The following SEPTIN11 variants were observed in gnomAD, a reference collection of about 807,000 sequenced individuals.
SEPTIN11 encodes septin 11.
A neutral mutation model predicts 51.4 loss-of-function variants in SEPTIN11; 25 were observed. The observed-to-expected ratio is 0.49, with a 90% CI of 0.35 to 0.68. The LOEUF (loss-of-function observed/expected upper bound fraction) is 0.68, where lower values mean the gene tolerates loss of function less well. Among genes scored for constraint, SEPTIN11 ranks in the 30% least tolerant of loss-of-function variants. The probability of loss-of-function intolerance (pLI) is 0.00; values close to 1 mark genes in which losing one functional copy is unlikely to be tolerated. For missense variants in SEPTIN11, 381 were observed against 520.8 expected, an observed-to-expected ratio of 0.73 and a Z score of 2.61; for synonymous variants, 174 against 184.1, an observed-to-expected ratio of 0.95 and a Z score of 0.44.
rs548256793 is a variant in SEPTIN11, at chr4:76,980,816, A to G, written c.28-15609A>G. Among the ~76,000 whole-genome samples the G allele has an allele frequency of 4.6e-4, 70 of 152,264 alleles. 1 individual carries two copies. Among genetic ancestry groups the G allele is most frequent in the African/African-American group, 1.7e-3 (69 of 41,548 alleles). On this transcript the variant is annotated intron_variant, in intron 1 of 9. Transcript: ENST00000264893. ...TGGATCAGTGCCTAAGATTTTTGCTAATTCTGGTTTGTCTTTCACCCTGAG... is the reference window on the plus strand; with the variant it reads ...TGGATCAGTGCCTAAGATTTTTGCTGATTCTGGTTTGTCTTTCACCCTGAG...
intron 1 of SEPTIN11, among the ~76,000 whole-genome samples, chr4:76,991,049 C>T (rs1273514661): frequency 6.6e-6 from 1 of 152,190 alleles, no homozygotes; most frequent in Non-Finnish European, 1.5e-5. Flanking sequence ...TTACCTTATT[C>T]ATATGTCCGA....
intron 5 of SEPTIN11, among the ~76,000 whole-genome samples, chr4:77,017,053 A>G (rs1342309730): frequency 6.6e-6 from 1 of 152,152 alleles, no homozygotes; most frequent in Admixed American, 6.5e-5. Context: ...TCAAAATCTC[A>G]AACTGAGATG....
intron 7 of SEPTIN11, among the ~76,000 whole-genome samples, chr4:77,022,545 C>T (rs72665127): frequency 0.25 from 37,960 of 152,088 alleles, 5,337 homozygotes; most frequent in East Asian, 0.39. Flanking sequence ...ATAGACCATA[C>T]TGTAAATGAA....
At chr4:77,030,647 G>A (rs922902453) in intron 8 of SEPTIN11, 136 bp from the exon 9 acceptor site, 12 of 687,604 alleles carry the variant, frequency 1.7e-5, no homozygotes, top group East Asian at 9.0e-5. Flanking sequence ...CACCCACCTC[G>A]GCCTCCCAAA....
intron 1 of SEPTIN11, among the ~76,000 whole-genome samples, chr4:76,954,988 T>A (rs1038346243): frequency 5.3e-5 from 8 of 152,318 alleles, no homozygotes; most frequent in African/African-American, 1.2e-4. Flanking sequence ...TATTTATTTT[T>A]TTTTGCATTT....
chr4:77,034,439 C>T lies in SEPTIN11; in HGVS notation c.1275-58C>T, dbSNP rs929743220. The T allele has an allele frequency of 2.9e-5, 40 of 1,392,084 alleles. 2 individuals are homozygous for T. The South Asian group carries it at 5.7e-4, about 20-fold the overall frequency. 86.2% of individuals were successfully genotyped at this position (1,392,084 alleles called of 1,614,324 possible). A position where few individuals can be genotyped will look rare whatever the true frequency, so the allele number is the denominator to read the frequency against. On this transcript the variant is annotated intron_variant, in intron 9 of 9. Coordinates refer to ENST00000264893, the MANE Select transcript of SEPTIN11 (RefSeq NM_018243.4). ...TGCTGGTGCTGTCGCTCCTAATTTT[C>T]CTTTCTTTTTAATTTATTATTATTT... is the stretch of plus-strand genomic sequence containing the variant.
intron 9 of SEPTIN11, 188 bp downstream of exon 9, chr4:77,031,158 T>C (rs1360897236): frequency 1.7e-6 from 1 of 573,776 alleles, no homozygotes; most frequent in Non-Finnish European, 3.0e-6. Flanking sequence ...CAAAGATTAA[T>C]TTATAAAACT....
At chr4:77,011,378 G>A (rs182483034) in intron 3 of SEPTIN11, among the ~76,000 whole-genome samples, 1 of 152,140 alleles carries the variant, frequency 6.6e-6, no homozygotes, top group Non-Finnish European at 1.5e-5. Flanking sequence ...ATACCCCTTG[G>A]GGGAGTGGCA....
intron 9 of SEPTIN11, among the ~76,000 whole-genome samples, chr4:77,032,954 C>G (rs1012468499): frequency 6.6e-5 from 10 of 152,040 alleles, no homozygotes; most frequent in African/African-American, 2.4e-4. Flanking sequence ...TTCTATGAAG[C>G]CTGTGTGGAT....
chr4:76,959,416 G>C (rs565852063), intron 1 of SEPTIN11, among the ~76,000 whole-genome samples: 1 of 151,578 alleles, frequency 6.6e-6, no homozygotes, highest in Admixed American at 6.6e-5. Flanking sequence ...CACATGGCCA[G>C]ATTAAAAAAG....
intron 1 of SEPTIN11, chr4:76,959,021 T>C: frequency 1.3e-6 from 1 of 755,166 alleles, no homozygotes; most frequent in Non-Finnish European, 2.4e-6. Flanking sequence ...GAATACCATG[T>C]TGGAATACTT....
intron 8 of SEPTIN11, among the ~76,000 whole-genome samples, chr4:77,029,772 A>G (rs895628074): frequency 6.6e-5 from 10 of 151,364 alleles, no homozygotes; most frequent in African/African-American, 2.4e-4. Context: ...ATATATACAC[A>G]CACACACACA....
chr4:76,959,503 A>G (rs1363338900), intron 1 of SEPTIN11, among the ~76,000 whole-genome samples: 1 of 151,982 alleles, frequency 6.6e-6, no homozygotes, highest in Non-Finnish European at 1.5e-5. Context: ...TTGGGATGGA[A>G]CTCATAATCT....
In SEPTIN11 at chr4:77,010,288, C is replaced by T. The variant is rs184188598; in HGVS notation, c.339-1447C>T. Among the ~76,000 whole-genome samples, 1,135 of 152,196 alleles carry T rather than the reference C, an allele frequency of 7.5e-3. 23 individuals carry two copies. Among genetic ancestry groups the T allele is most frequent in the Admixed American group, 0.052 (793 of 15,282 alleles). On this transcript the variant is annotated intron_variant, in intron 3 of 9. Transcript: ENST00000264893. ...TGGTTTTAGGCTTGAATCCATGTTT[C>T]TAACCACCATCCTCTATAACTATCT...
intron 3 of SEPTIN11, among the ~76,000 whole-genome samples, chr4:77,010,760 T>C (rs1724805928): frequency 6.6e-6 from 1 of 152,196 alleles, no homozygotes; most frequent in African/African-American, 2.4e-5. Flanking sequence ...GGAAAGGCAA[T>C]AAAGTTTGGG....
intron 1 of SEPTIN11, chr4:76,973,187 G>T (rs562186763): frequency 1.3e-5 from 2 of 152,324 alleles, no homozygotes; most frequent in East Asian, 3.9e-4. Flanking sequence ...CTCAAAGCCT[G>T]TGTGGGGGGA....
intron 1 of SEPTIN11, among the ~76,000 whole-genome samples, chr4:76,982,572 AT>A (rs1722824032): frequency 1.3e-5 from 2 of 152,138 alleles, no homozygotes; most frequent in Non-Finnish European, 2.9e-5. Context: ...AGAGTTTTAC[AT>A]TTTTGCTCTG....
chr4:76,964,762 A>G (rs1430141112), intron 1 of SEPTIN11, among the ~76,000 whole-genome samples: 1 of 152,254 alleles, frequency 6.6e-6, no homozygotes, highest in Non-Finnish European at 1.5e-5. Flanking sequence ...GGGTTTATGC[A>G]TAATTTAAAA....
intron 1 of SEPTIN11, among the ~76,000 whole-genome samples, chr4:76,981,226 T>C (rs1314600862): frequency 3.3e-5 from 5 of 152,228 alleles, no homozygotes; most frequent in Admixed American, 3.3e-4. Flanking sequence ...TGGGCCCTAC[T>C]TGATTATTCA....
Sources: gnomAD v4.1 joint callset for allele counts (sites outside exome capture counted in the v4.1 genomes callset) on GRCh38, gnomAD v4.1.1 for gene constraint, MANE v1.5 for transcripts, NCBI Gene and HGNC (gene_info 2026-07-23, HGNC 2026-07-21) for gene names.